The following LOXHD1 variants were observed in gnomAD, a reference collection of about 807,000 sequenced individuals.
The protein encoded by LOXHD1 is lipoxygenase homology domain-containing protein 1.
LOXHD1 carries 205 observed loss-of-function variants against 248.2 expected under a neutral mutation model. That is an observed-to-expected ratio of 0.83 (90% CI 0.74 to 0.93). LOXHD1 has a LOEUF of 0.93. Among genes scored for constraint, LOXHD1 ranks in the 40% least tolerant of loss-of-function variants. LOXHD1 has a pLI of 0.00. For synonymous variants in LOXHD1, 1,113 were observed against 1,162.8 expected (o/e 0.96, Z 0.87); for missense variants, 2,930 against 2,971.6 (o/e 0.99, Z 0.33).
intron 37 of LOXHD1, among the ~76,000 whole-genome samples, chr18:46,493,434 C>T (rs145499342): frequency 6.6e-6 from 1 of 152,294 alleles, no homozygotes; most frequent in African/African-American, 2.4e-5. Context: ...GTTGTAAGCC[C>T]CTTGAGAACA....
At chr18:46,504,079 A>T (rs2034408344) in intron 37 of LOXHD1, among the ~76,000 whole-genome samples, 1 of 152,148 alleles carries the variant, frequency 6.6e-6, no homozygotes, top group African/African-American at 2.4e-5. Flanking sequence ...TTGCTGCAGT[A>T]ATTCACAAAG....
chr18:46,567,880 AG>A lies in LOXHD1; in HGVS notation c.2245-1432del, dbSNP rs560800553. 1.5e-3 allele frequency among the ~76,000 whole-genome samples: 223 copies of A among 152,214 alleles called. 1 individual carries two copies. The highest frequency in any genetic ancestry group is 5.0e-3 in the African/African-American group (207 of 41,532). On this transcript the variant is annotated intron_variant, in intron 16 of 40. Transcript: ENST00000642948. ...AGCCTCTTGGCCATGCTGCTTGTTG[AG>A]GGGGTTTCGGAAACTCAGGAAGAAG...
At chr18:46,516,473 C>T (rs2035253911) in intron 34 of LOXHD1, among the ~76,000 whole-genome samples, 1 of 152,156 alleles carries the variant, frequency 6.6e-6, no homozygotes, top group Admixed American at 6.5e-5. Flanking sequence ...CTGCATAGGG[C>T]CCATAGGATG....
chr18:46,618,118 C>A (rs956490489), intron 5 of LOXHD1, 74 bp downstream of exon 5: 2 of 1,133,476 alleles, frequency 1.8e-6, no homozygotes, highest in Non-Finnish European at 2.6e-6. Flanking sequence ...CCTTCCTCTG[C>A]CAGGATTGTG....
chr18:46,560,132 G>T lies in LOXHD1; in HGVS notation c.3012C>A (p.Asp1004Glu), dbSNP rs1273138483. ...AHRWLARGKE[D>E]NELVVELVPA... ...GCACCAACTCCACGACAAGTTCGTT[G>T]TCCTCCTTGCCCCGGGCCAGCCAGC... is the stretch of plus-strand genomic sequence containing the variant. Residue 1004 changes from aspartate (D) to glutamate (E), a missense_variant, in exon 19 of 41, where the codon GAC (aspartate) becomes GAA (glutamate). Asp to Glu is a conservative substitution (Grantham distance 45, BLOSUM62 2). Transcript: ENST00000642948. 1 of 1,507,290 alleles carries T rather than the reference G, an allele frequency of 6.6e-7. No individual in the cohort carries two copies. The highest frequency in any genetic ancestry group is 1.2e-5 in the South Asian group (1 of 83,458). The allele number at this position is 1,507,290 out of a possible 1,614,324, so 93.4% of individuals were successfully genotyped here.
At chr18:46,503,155 T>C (rs988312455) in intron 37 of LOXHD1, among the ~76,000 whole-genome samples, 1 of 152,218 alleles carries the variant, frequency 6.6e-6, no homozygotes, top group Non-Finnish European at 1.5e-5. Context: ...TGCCAGTGTG[T>C]GCTGGTAGCC....
At chr18:46,590,385 C>A (rs927420580) in intron 12 of LOXHD1, among the ~76,000 whole-genome samples, 2 of 152,102 alleles carry the variant, frequency 1.3e-5, no homozygotes. Flanking sequence ...GAGTGACCGT[C>A]CAGATAATGT....
intron 40 of LOXHD1, among the ~76,000 whole-genome samples, chr18:46,478,863 A>T (rs1160282163): frequency 6.6e-6 from 1 of 152,064 alleles, no homozygotes; most frequent in Admixed American, 6.6e-5. Flanking sequence ...CAGCTAATTT[A>T]AAAAAATATA....
At chr18:46,634,948 G>T (rs2038874179) in intron 4 of LOXHD1, among the ~76,000 whole-genome samples, 1 of 152,120 alleles carries the variant, frequency 6.6e-6, no homozygotes, top group African/African-American at 2.4e-5. Flanking sequence ...CAAATTTTAT[G>T]TTATGCATAT....
chr18:46,627,843 T>C (rs566030259), intron 4 of LOXHD1, among the ~76,000 whole-genome samples: 2 of 152,330 alleles, frequency 1.3e-5, no homozygotes, highest in East Asian at 3.9e-4. Flanking sequence ...TCTTCCTCTA[T>C]GCTCCCATTG....
rs1459760791 is a variant in LOXHD1 at position 46,538,212 on chromosome 18, T to C, written c.4039A>G (p.Lys1347Glu). The C allele has an allele frequency of 3.2e-6, 5 of 1,544,222 alleles. No homozygotes were observed. In the East Asian group the frequency reaches 7.4e-5, roughly 23 times the overall value. The change falls in exon 26 of 41, where the codon AAG (lysine) becomes GAG (glutamate). Residue 1347 changes from lysine (K) to glutamate (E), a missense_variant. By Grantham distance (56) the Lys-to-Glu change is moderately conservative (BLOSUM62 1). Transcript: ENST00000642948. The stretch of plus-strand genomic sequence containing the variant: ...TCAAAGAACTGCTTCTGTTCCCTCT[T>C]GTTGGTACACAGATACTTCTGCTGG... Reference protein sequence around the residue: ...CTQQKYLCTNKREQKQFFERK... With the variant: ...CTQQKYLCTNEREQKQFFERK...
At chr18:46,582,421 T>A (rs2037980781) in intron 12 of LOXHD1, among the ~76,000 whole-genome samples, 1 of 151,178 alleles carries the variant, frequency 6.6e-6, no homozygotes, top group Non-Finnish European at 1.5e-5. Flanking sequence ...CCCAAAAATA[T>A]GATTAAAAAA....
intron 14 of LOXHD1, 140 bp downstream of exon 14, chr18:46,577,567 G>C: frequency 1.1e-6 from 1 of 884,840 alleles, no homozygotes; most frequent in South Asian, 1.8e-5. Flanking sequence ...CACCACCAGC[G>C]AGGTCACCTC....
chr18:46,538,418 G>A, intron 25 of LOXHD1, 81 bp from the exon 26 acceptor site: 1 of 1,357,048 alleles, frequency 7.4e-7, no homozygotes, highest in Non-Finnish European at 1.0e-6. Context: ...TTCTTCACCA[G>A]CACAACCAGC....
intron 26 of LOXHD1, among the ~76,000 whole-genome samples, chr18:46,537,779 C>A (rs1296587571): frequency 2.0e-5 from 3 of 152,178 alleles, no homozygotes; most frequent in African/African-American, 7.2e-5. Flanking sequence ...GGTGGGATTT[C>A]CACCTCTCCC....
In LOXHD1 at chr18:46,489,160, T is replaced by G; in HGVS notation, c.5879-18A>C. ...AAATATCCCTGTGGAAAAGACACCATGGGGGTTGGAAGCTGGATGTGCCTT... is the reference window on the plus strand; with the variant it reads ...AAATATCCCTGTGGAAAAGACACCAGGGGGGTTGGAAGCTGGATGTGCCTT... On this transcript the variant is annotated intron_variant, in intron 37 of 40. Coordinates refer to ENST00000642948, the MANE Select transcript of LOXHD1 (RefSeq NM_001384474.1). The G allele has an allele frequency of 6.4e-7, 1 of 1,551,536 alleles. No individual in the cohort carries two copies. The highest frequency in any genetic ancestry group is 1.2e-5 in the South Asian group (1 of 84,048).
rs1344124040 is a variant in LOXHD1 at position 46,579,721 on chromosome 18, A to T, written c.1718T>A (p.Val573Asp). 6.4e-7 allele frequency: 1 copy of T among 1,551,792 alleles called. No homozygotes were observed. The highest frequency in any genetic ancestry group is 1.2e-5 in the South Asian group (1 of 84,064). ...CACATCACCAAAAAGGCAGAGATAG[A>T]CGTTGGCATCGGTCCCAGCACCTTC... ...ELEGAGTDAN[V>D]YLCLFGDVGD... is the part of the protein sequence containing the mutation. The change falls in exon 13 of 41, where the codon GTC becomes GAC. Residue 573 changes from valine to aspartate, a missense_variant. Val to Asp is a radical substitution (Grantham distance 152). Transcript: ENST00000642948.
At position 46,538,233 on chromosome 18, in the gene LOXHD1, G is replaced by A; in HGVS notation, c.4018C>T (p.Gln1340Ter). ...CTCTTGTTGGTACACAGATACTTCTGCTGGGTGCACACGGCATCGCAGCCA... is the reference window on the plus strand; with the variant it reads ...CTCTTGTTGGTACACAGATACTTCTACTGGGTGCACACGGCATCGCAGCCA... ...IYGCDAVCTQ[Q>*]KYLCTNKREQ... Residue 1340 changes from glutamine to a stop codon, truncating the protein, a stop_gained, in exon 26 of 41, where the codon CAG becomes TAG. Transcript: ENST00000642948. LOFTEE classifies it high-confidence loss of function. The A allele has an allele frequency of 6.4e-7, 1 of 1,550,482 alleles. No individual in the cohort carries two copies. The highest frequency in any genetic ancestry group is 1.2e-5 in the South Asian group (1 of 84,050).
chr18:46,565,190 G>C (rs2037613630), intron 17 of LOXHD1, among the ~76,000 whole-genome samples: 1 of 151,918 alleles, frequency 6.6e-6, no homozygotes, highest in Non-Finnish European at 1.5e-5. Context: ...CTTGAACCCG[G>C]GAGGAGGTTG....
Sources: allele counts gnomAD v4.1 joint callset (sites outside exome capture counted in the v4.1 genomes callset), GRCh38; gene constraint gnomAD v4.1.1; transcripts MANE v1.5; gene names NCBI Gene and HGNC (gene_info 2026-07-23, HGNC 2026-07-21).